Variants in RGSL1 observed in about 807,000 individuals in gnomAD.
RGSL1 encodes the protein regulator of G protein signaling protein-like.
RGSL1 carries 97 observed loss-of-function variants against 124.7 expected under a neutral mutation model. The observed-to-expected ratio is 0.78, with a 90% CI of 0.66 to 0.92. RGSL1 has a LOEUF of 0.92. Ranked by LOEUF, RGSL1 falls within the 40% of genes least tolerant of loss-of-function variation. RGSL1 has a pLI of 0.00. For synonymous variants in RGSL1, 424 were observed against 438.1 expected, an observed-to-expected ratio of 0.97 and a Z score of 0.40; for missense variants, 1,233 against 1,288.4, an observed-to-expected ratio of 0.96 and a Z score of 0.66.
In RGSL1 at chr1:182,460,088, A is replaced by C. The variant is rs1202750351; in HGVS notation, c.256A>C (p.Ile86Leu). The change falls in exon 4 of 22, where the codon ATT becomes CTT. Residue 86 changes from isoleucine to leucine, a missense_variant. Coordinates refer to ENST00000294854, the MANE Select transcript of RGSL1 (RefSeq NM_001137669.2). Reference protein sequence around the residue: ...FCKTNLCFHYILCQEFISFIK... With the variant: ...FCKTNLCFHYLLCQEFISFIK... ...TAAAACAAACTTGTGTTTCCATTAC[A>C]TTCTCTGTCAGGAGTTCATCAGTTT... 4 of 1,551,552 alleles carry C rather than the reference A, an allele frequency of 2.6e-6. No homozygotes were observed. The African/African-American group carries it at 5.5e-5, about 21-fold the overall frequency.
intron 9 of RGSL1, among the ~76,000 whole-genome samples, chr1:182,502,557 C>T (rs1231265269): frequency 6.6e-6 from 1 of 152,174 alleles, no homozygotes; most frequent in Admixed American, 6.5e-5. Flanking sequence ...GCCTGGACAA[C>T]AGAGTTAGAC....
rs1360087433 is a variant in RGSL1 at position 182,472,438 on chromosome 1, T to C, written c.344T>C (p.Leu115Pro). The C allele has an allele frequency of 6.4e-7, 1 of 1,550,858 alleles. No individual in the cohort carries two copies. Among genetic ancestry groups the C allele is most frequent in the Non-Finnish European group, 8.7e-7 (1 of 1,146,520 alleles). The part of the protein sequence containing the change: ...VDFWILAENI[L>P]SIDEMDLEVR... ...TTCTGGATCCTTGCTGAGAACATCC[T>C]GAGCATAGATGAGATGGACCTGGAA... The change falls in exon 5 of 22, where the codon CTG (leucine) becomes CCG (proline). Residue 115 changes from leucine (L) to proline (P), a missense_variant. Coordinates refer to ENST00000294854, the MANE Select transcript of RGSL1 (RefSeq NM_001137669.2).
intron 1 of RGSL1, among the ~76,000 whole-genome samples, chr1:182,452,157 T>C (rs1651896706): frequency 6.6e-6 from 1 of 152,032 alleles, no homozygotes; most frequent in Admixed American, 6.5e-5. Flanking sequence ...CCTGGACACA[T>C]TGAACATGTT....
At chr1:182,508,506 T>C (rs1294898821) in intron 9 of RGSL1, among the ~76,000 whole-genome samples, 7 of 151,256 alleles carry the variant, frequency 4.6e-5, no homozygotes, top group Non-Finnish European at 8.9e-5. Flanking sequence ...GCCATGTTGG[T>C]CAGGCTGGTC....
intron 10 of RGSL1, among the ~76,000 whole-genome samples, chr1:182,525,932 T>A (rs554053407): frequency 6.6e-6 from 1 of 152,102 alleles, no homozygotes; most frequent in African/African-American, 2.4e-5. Context: ...CCTGCAAAAA[T>A]TAATAAGACT....
At chr1:182,549,795 A>G (rs1660448152) in intron 17 of RGSL1, 1 of 152,268 alleles carries the variant, frequency 6.6e-6, no homozygotes, top group Admixed American at 6.5e-5. Context: ...ATACAGAACC[A>G]AGAGAAGTAC....
intron 15 of RGSL1, among the ~76,000 whole-genome samples, chr1:182,545,185 G>T (rs1336090973): frequency 1.3e-5 from 2 of 151,848 alleles, no homozygotes; most frequent in Non-Finnish European, 2.9e-5. Flanking sequence ...TTACTATGAG[G>T]CTTACCAAAA....
At chr1:182,518,707 T>G (rs1301410312) in intron 9 of RGSL1, among the ~76,000 whole-genome samples, 2 of 152,316 alleles carry the variant, frequency 1.3e-5, no homozygotes, top group Admixed American at 1.3e-4. Context: ...GCACTGTTGC[T>G]GGGCATAATG....
At chr1:182,480,015 A>G (rs1359186853) in intron 6 of RGSL1, among the ~76,000 whole-genome samples, 1 of 152,226 alleles carries the variant, frequency 6.6e-6, no homozygotes, top group African/African-American at 2.4e-5. Context: ...GAAGAACTTA[A>G]TCTTCTATTA....
intron 9 of RGSL1, among the ~76,000 whole-genome samples, chr1:182,502,384 C>T (rs900849400): frequency 2.0e-5 from 3 of 152,192 alleles, no homozygotes; most frequent in Middle Eastern, 3.4e-3. Flanking sequence ...TGAGAGCAGT[C>T]TGAGCACATA....
chr1:182,509,840 G>C (rs1404614767), intron 9 of RGSL1, among the ~76,000 whole-genome samples: 1 of 138,922 alleles, frequency 7.2e-6, no homozygotes, highest in East Asian at 2.2e-4. Context: ...CTCCCTCCCG[G>C]ACGGGGTGGC....
chr1:182,524,461 T>A (rs1168342320), intron 10 of RGSL1, among the ~76,000 whole-genome samples: 1 of 152,182 alleles, frequency 6.6e-6, no homozygotes, highest in African/African-American at 2.4e-5. Flanking sequence ...ACTTCTGGAA[T>A]GGTAGAGCAA....
chr1:182,518,358 T>C (rs2444556), intron 9 of RGSL1, among the ~76,000 whole-genome samples: 131,528 of 152,164 alleles, frequency 0.86, 57,170 homozygotes, highest in Non-Finnish European at 0.89. Flanking sequence ...GGAGGGGATC[T>C]CAAAGGGAAT....
intron 9 of RGSL1, among the ~76,000 whole-genome samples, chr1:182,515,534 T>A (rs1657802780): frequency 9.5e-6 from 1 of 105,224 alleles, no homozygotes; most frequent in Non-Finnish European, 1.8e-5. Context: ...AGAAAACAGT[T>A]TAAAGTAAAA....
At position 182,473,584 on chromosome 1, in the gene RGSL1, T is replaced by A; in HGVS notation, c.473T>A (p.Leu158Gln). Reference sequence around the variant, plus strand: ...TCTGTATTATTTCCAGAGTCCCTCCTGAACCTCTCCATCTGGCATCCCAAC... The same window carrying A: ...TCTGTATTATTTCCAGAGTCCCTCCAGAACCTCTCCATCTGGCATCCCAAC... Reference protein sequence around the residue: ...TLCNMNIKSLLNLSIWHPNQS... With the variant: ...TLCNMNIKSLQNLSIWHPNQS... Residue 158 changes from leucine (L) to glutamine (Q), a missense_variant, in exon 6 of 22, where the codon CTG becomes CAG. Transcript: ENST00000294854. 1 of 1,544,724 alleles carries A rather than the reference T, an allele frequency of 6.5e-7. No homozygotes were observed. The highest frequency in any genetic ancestry group is 8.7e-7 in the Non-Finnish European group (1 of 1,143,572).
chr1:182,519,623 T>C (rs1658176376), intron 9 of RGSL1, among the ~76,000 whole-genome samples: 1 of 152,162 alleles, frequency 6.6e-6, no homozygotes, highest in Non-Finnish European at 1.5e-5. Context: ...TTTTCAGTTT[T>C]AGGGAATTTT....
At chr1:182,554,552 C>T (rs1290766286) in intron 19 of RGSL1, 75 bp from the exon 20 acceptor site, 6 of 1,333,160 alleles carry the variant, frequency 4.5e-6, no homozygotes, top group Non-Finnish European at 5.3e-6. Flanking sequence ...GCATGGTCCT[C>T]CAGGGTGGAG....
chr1:182,449,233 A>G (rs765180412), upstream of RGSL1: 5 of 152,228 alleles, frequency 3.3e-5, no homozygotes, highest in Non-Finnish European at 5.9e-5. Flanking sequence ...TCTTCTCACT[A>G]AAATCACTTT....
chr1:182,543,576 T>C (rs1660025231), intron 15 of RGSL1, among the ~76,000 whole-genome samples: 1 of 152,024 alleles, frequency 6.6e-6, no homozygotes, highest in South Asian at 2.1e-4. Context: ...AATGAGTTTT[T>C]AGTATTCTCC....
Sources: allele counts gnomAD v4.1 joint callset (sites outside exome capture counted in the v4.1 genomes callset), GRCh38; gene constraint gnomAD v4.1.1; transcripts MANE v1.5; gene names NCBI Gene and HGNC (gene_info 2026-07-23, HGNC 2026-07-21).